Variants in GNG7 observed in about 807,000 individuals in gnomAD.
GNG7 encodes the protein guanine nucleotide-binding protein G(I)/G(S)/G(O) subunit gamma-7.
GNG7 carries 1 observed loss-of-function variant against 4.0 expected under a neutral mutation model. The observed-to-expected ratio is 0.25, with a 90% CI of 0.09 to 1.18. GNG7 has a LOEUF of 1.18. GNG7 is among the 50% of genes most tolerant of loss of function. The probability of loss-of-function intolerance (pLI) is 0.50; values close to 1 mark genes in which losing one functional copy is unlikely to be tolerated. For missense variants in GNG7, 86 were observed against 91.9 expected (o/e 0.94, Z 0.26); for synonymous variants, 34 against 36.9 (o/e 0.92, Z 0.29).
rs560834947 is a variant in GNG7, at chr19:2,653,345, C to T, written c.-134-7065G>A. ...AGACAAACACAGAGCTGGGAAATTC[C>T]GCAGCAGGGCAGATGAGGGATCGAT... On this transcript the variant is annotated intron_variant, in intron 1 of 4. Coordinates refer to ENST00000382159, the MANE Select transcript of GNG7 (RefSeq NM_052847.3). The surrounding 1 kb of genome is among the most constrained non-coding windows in gnomAD (Gnocchi z 4.8). Among the ~76,000 whole-genome samples the T allele has an allele frequency of 2.6e-4, 39 of 152,280 alleles. No individual in the cohort carries two copies. The East Asian group carries it at 6.6e-3, about 26-fold the overall frequency.
chr19:2,591,944 C>G (rs983782624), intron 2 of GNG7, among the ~76,000 whole-genome samples: 5 of 152,150 alleles, frequency 3.3e-5, no homozygotes, highest in African/African-American at 1.2e-4. Context: ...ACCATTATGG[C>G]AAGGCTGTGG....
At chr19:2,578,518 G>A (rs982170288) in intron 2 of GNG7, among the ~76,000 whole-genome samples, 2 of 152,358 alleles carry the variant, frequency 1.3e-5, no homozygotes. Flanking sequence ...CAGGGCCTAA[G>A]GAATTCACGA....
chr19:2,574,211 G>A (rs1980238797), intron 2 of GNG7, among the ~76,000 whole-genome samples: 2 of 152,188 alleles, frequency 1.3e-5, no homozygotes, highest in Admixed American at 6.5e-5. Flanking sequence ...GTGAGGCCGC[G>A]GGAACACGCA....
Position 2,618,339 on chromosome 19 carries a change from T to TG in GNG7, c.-78+27884dup, listed in dbSNP as rs1481374050. On this transcript the variant is annotated intron_variant, in intron 2 of 4. Coordinates refer to ENST00000382159, the MANE Select transcript of GNG7 (RefSeq NM_052847.3). This position sits in a 1 kb window ranked among gnomAD's most constrained non-coding sequence, Gnocchi z 5.1. ...TTTTTCTCTTTTCTACCTGTATGTG[T>TG]GTGGTGTGTGTGTGTGTGTGTGTGT... is the stretch of plus-strand genomic sequence containing the variant. 9.0e-5 allele frequency among the ~76,000 whole-genome samples: 13 copies of TG among 143,684 alleles called. No individual in the cohort carries two copies. Among genetic ancestry groups the TG allele is most frequent in the Non-Finnish European group, 1.9e-4 (13 of 66,668 alleles). 94.3% of individuals were successfully genotyped at this position (143,684 alleles called of 152,430 possible).
intron 1 of GNG7, among the ~76,000 whole-genome samples, chr19:2,669,268 G>A (rs1983389085): frequency 6.6e-6 from 1 of 152,196 alleles, no homozygotes. Context: ...AAGGCGGGCA[G>A]ATCACGAGGT....
chr19:2,612,608 C>T (rs2144824052), intron 2 of GNG7, among the ~76,000 whole-genome samples: 1 of 151,408 alleles, frequency 6.6e-6, no homozygotes, highest in African/African-American at 2.4e-5. Flanking sequence ...GAATAAAATA[C>T]TTGTGAGTGT....
In GNG7 at chr19:2,525,971, A is replaced by ATTTTTTTTTTTTTTTTTTTTTTTTTTTTT. The variant is rs35639922; in HGVS notation, c.-37-5247_-37-5246insAAAAAAAAAAAAAAAAAAAAAAAAAAAAA. On this transcript the variant is annotated intron_variant, in intron 3 of 4. Transcript: ENST00000382159. Reference sequence around the variant, plus strand: ...ATTACAGGTGCCTGCCTCCACGCCAATTTTTTTTTTTTTTTTTGAGACAGA... The same window carrying ATTTTTTTTTTTTTTTTTTTTTTTTTTTTT: ...ATTACAGGTGCCTGCCTCCACGCCAATTTTTTTTTTTTTTTTTTTTTTTTTTTTTTTTTTTTTTTTTTTTTTGAGACAGA... Among the ~76,000 whole-genome samples the ATTTTTTTTTTTTTTTTTTTTTTTTTTTTT allele has an allele frequency of 7.9e-5, 6 of 75,678 alleles. 1 individual carries two copies. The highest frequency in any genetic ancestry group is 3.7e-4 in the Admixed American group (2 of 5,338). The allele number at this position is 75,678 out of a possible 152,430, so 49.6% of individuals were successfully genotyped here.
At chr19:2,680,188 C>T (rs1983696311) in intron 1 of GNG7, among the ~76,000 whole-genome samples, 1 of 142,186 alleles carries the variant, frequency 7.0e-6, no homozygotes. Flanking sequence ...CGCTCTGTTG[C>T]CCAGGCTGGA....
intron 1 of GNG7, among the ~76,000 whole-genome samples, chr19:2,651,382 TC>T (rs1195002534): frequency 2.5e-5 from 1 of 40,356 alleles, no homozygotes. Flanking sequence ...CCTCCCTCCC[TC>T]CCTTCCCTCC....
intron 2 of GNG7, among the ~76,000 whole-genome samples, chr19:2,594,794 C>T (rs1980964735): frequency 6.6e-6 from 1 of 152,058 alleles, no homozygotes; most frequent in South Asian, 2.1e-4. Flanking sequence ...AATAACCAGC[C>T]TGTGACCCAT....
chr19:2,597,371 C>T (rs907186081), intron 2 of GNG7, among the ~76,000 whole-genome samples: 4 of 151,726 alleles, frequency 2.6e-5, no homozygotes, highest in Non-Finnish European at 5.9e-5. Flanking sequence ...CCGAGGCAGG[C>T]GGATCACCTA....
At chr19:2,553,393 T>TAC (rs1555693119) in intron 3 of GNG7, among the ~76,000 whole-genome samples, 53 of 138,170 alleles carry the variant, frequency 3.8e-4, no homozygotes, top group Admixed American at 2.0e-3. Context: ...CATATATATA[T>TAC]ATACATATAT....
chr19:2,567,132 C>A (rs201044569), intron 2 of GNG7, among the ~76,000 whole-genome samples: 84 of 139,004 alleles, frequency 6.0e-4, no homozygotes, highest in African/African-American at 1.9e-3. Flanking sequence ...ACAAAAAAAA[C>A]AAAAAAAAAA....
Position 2,657,361 on chromosome 19 carries a change from AATATAT to A in GNG7, c.-134-11087_-134-11082del, listed in dbSNP as rs869231931. Among the ~76,000 whole-genome samples, 58 of 16,282 alleles carry A rather than the reference AATATAT, an allele frequency of 3.6e-3. 1 individual carries two copies. Among genetic ancestry groups the A allele is most frequent in the Middle Eastern group, 0.024 (1 of 42 alleles). The allele number at this position is 16,282 out of a possible 152,430, so 10.7% of individuals were successfully genotyped here. On this transcript the variant is annotated intron_variant, in intron 1 of 4. Coordinates refer to ENST00000382159, the MANE Select transcript of GNG7 (RefSeq NM_052847.3). ...TTAAAAAAAAAAAAAAAAAAAAAAA[AATATAT>A]ATATATATATATATATATATATATA...
At chr19:2,656,462 C>T (rs1051645524) in intron 1 of GNG7, among the ~76,000 whole-genome samples, 1 of 152,094 alleles carries the variant, frequency 6.6e-6, no homozygotes, top group African/African-American at 2.4e-5. Flanking sequence ...ATTAGCCGGG[C>T]ATGGTGGTGC....
At chr19:2,675,922 T>C (rs958117852) in intron 1 of GNG7, among the ~76,000 whole-genome samples, 4 of 152,266 alleles carry the variant, frequency 2.6e-5, no homozygotes, top group Non-Finnish European at 5.9e-5. Flanking sequence ...GGACCTTATT[T>C]GGAAACAGGG....
At chr19:2,640,686 G>C (rs937974418) in intron 2 of GNG7, among the ~76,000 whole-genome samples, 8 of 152,058 alleles carry the variant, frequency 5.3e-5, no homozygotes, top group Non-Finnish European at 1.2e-4. Flanking sequence ...GAGTGCAGTG[G>C]TGTGATCTCG....
chr19:2,638,519 G>T (rs1469772255), intron 2 of GNG7, among the ~76,000 whole-genome samples: 2 of 20,004 alleles, frequency 1.0e-4, no homozygotes, highest in Non-Finnish European at 1.7e-4. Flanking sequence ...GGGAGGGGAG[G>T]GGAAGGGAAG....
intron 2 of GNG7, among the ~76,000 whole-genome samples, chr19:2,612,177 CT>C (rs1322387978): frequency 1.3e-5 from 2 of 151,998 alleles, no homozygotes; most frequent in Non-Finnish European, 2.9e-5. Context: ...CCGGCCAAAT[CT>C]TTCTTTCTTT....
Sources: gnomAD v4.1 joint callset for allele counts (sites outside exome capture counted in the v4.1 genomes callset) on GRCh38, gnomAD v4.1.1 for gene constraint, Gnocchi (gnomAD v3.1) non-coding constraint, MANE v1.5 for transcripts, NCBI Gene and HGNC (gene_info 2026-07-23, HGNC 2026-07-21) for gene names.